SIK2: variants seen among roughly 807,000 people sequenced by gnomAD.
SIK2 encodes the protein serine/threonine-protein kinase SIK2.
A neutral mutation model predicts 103.2 loss-of-function variants in SIK2; 29 were observed. The ratio of observed to expected loss-of-function variants is 0.28; its 90% CI spans 0.21 to 0.38. The LOEUF (loss-of-function observed/expected upper bound fraction) is 0.38, where lower values mean the gene tolerates loss of function less well. SIK2 is among the 10% of genes least tolerant of loss of function. The probability of loss-of-function intolerance (pLI) is 1.00; values close to 1 mark genes in which losing one functional copy is unlikely to be tolerated. For missense variants in SIK2, 879 were observed against 1,171.0 expected, an observed-to-expected ratio of 0.75 and a Z score of 3.64; for synonymous variants, 412 against 446.1, an observed-to-expected ratio of 0.92 and a Z score of 0.96.
At chr11:111,704,783 T>A (rs562658078) in intron 7 of SIK2, among the ~76,000 whole-genome samples, 5 of 152,308 alleles carry the variant, frequency 3.3e-5, no homozygotes, top group Admixed American at 3.3e-4. Flanking sequence ...TTTAAAGGGA[T>A]CATCCTTTAT....
intron 3 of SIK2, among the ~76,000 whole-genome samples, chr11:111,674,709 A>G (rs556417367): frequency 8.5e-5 from 13 of 152,260 alleles, no homozygotes; most frequent in African/African-American, 2.9e-4. Flanking sequence ...CTTGTTTCCA[A>G]TATTGGAAAT....
At chr11:111,613,597 A>G (rs1941759385) in intron 1 of SIK2, among the ~76,000 whole-genome samples, 1 of 152,144 alleles carries the variant, frequency 6.6e-6, no homozygotes, top group South Asian at 2.1e-4. Context: ...CTTTAAATGT[A>G]TTTAGGTTTG....
intron 3 of SIK2, among the ~76,000 whole-genome samples, chr11:111,667,227 G>A (rs1942556827): frequency 1.3e-5 from 2 of 151,782 alleles, no homozygotes; most frequent in Non-Finnish European, 2.9e-5. Context: ...GGAAGACCAT[G>A]CCCGGCCGTA....
chr11:111,603,355 A>G (rs1251403238), intron 1 of SIK2, among the ~76,000 whole-genome samples: 1 of 152,170 alleles, frequency 6.6e-6, no homozygotes. Flanking sequence ...GCCCCAGACA[A>G]TAGAACTGGT....
At chr11:111,630,596 A>G (rs1408280039) in intron 3 of SIK2, among the ~76,000 whole-genome samples, 1 of 152,180 alleles carries the variant, frequency 6.6e-6, no homozygotes, top group Non-Finnish European at 1.5e-5. Flanking sequence ...CAGAATTAAG[A>G]AGGCTAAGAA....
At chr11:111,663,303 G>A (rs1002601311) in intron 3 of SIK2, among the ~76,000 whole-genome samples, 6 of 152,074 alleles carry the variant, frequency 3.9e-5, no homozygotes, top group Admixed American at 2.0e-4. Context: ...CCTTTCTGAT[G>A]AGTGGTCATT....
At chr11:111,703,056 G>A (rs556753828) in intron 6 of SIK2, 147 bp from the exon 7 acceptor site, 17 of 651,808 alleles carry the variant, frequency 2.6e-5, no homozygotes, top group African/African-American at 3.6e-5. Context: ...TAAGTAGCCT[G>A]CATGTGTTCA....
rs373010436 is a variant in SIK2 at position 111,654,863 on chromosome 11, CTA to C, written c.317-33136_317-33135del. Among the ~76,000 whole-genome samples, 68 of 152,254 alleles carry C rather than the reference CTA, an allele frequency of 4.5e-4. No homozygotes were observed. In the East Asian group the frequency reaches 0.011, roughly 25 times the overall value. On this transcript the variant is annotated intron_variant, in intron 3 of 14. Transcript: ENST00000304987. ...TACAAAAGCTTCATGGAGAATGTGACTATGTTTTAAATGAGGTGAAATTTTCC... is the reference window on the plus strand; with the variant it reads ...TACAAAAGCTTCATGGAGAATGTGACTGTTTTAAATGAGGTGAAATTTTCC...
intron 7 of SIK2, among the ~76,000 whole-genome samples, chr11:111,704,488 C>G (rs2135931306): frequency 6.6e-6 from 1 of 152,328 alleles, no homozygotes; most frequent in South Asian, 2.1e-4. Flanking sequence ...TAGTGTCTCT[C>G]AATTTAGCAT....
At chr11:111,644,959 G>A (rs997613154) in intron 3 of SIK2, among the ~76,000 whole-genome samples, 2 of 152,148 alleles carry the variant, frequency 1.3e-5, no homozygotes, top group South Asian at 2.1e-4. Flanking sequence ...AGCCTGTCGA[G>A]TGTCAAGCAT....
At chr11:111,689,182 G>C (rs112858864) in intron 4 of SIK2, among the ~76,000 whole-genome samples, 111 of 152,282 alleles carry the variant, frequency 7.3e-4, no homozygotes, top group African/African-American at 2.5e-3. Context: ...GATTGATACA[G>C]GGGGAGCAGA....
chr11:111,645,646 C>A (rs747907888), intron 3 of SIK2, among the ~76,000 whole-genome samples: 3 of 151,926 alleles, frequency 2.0e-5, no homozygotes, highest in Non-Finnish European at 4.4e-5. Context: ...CGTGGAGAAA[C>A]CAAATCTCTA....
intron 3 of SIK2, among the ~76,000 whole-genome samples, chr11:111,656,993 C>T (rs984294668): frequency 5.3e-5 from 8 of 152,286 alleles, no homozygotes; most frequent in Non-Finnish European, 1.2e-4. Flanking sequence ...TATGCAAATA[C>T]TTATTGAGCA....
At chr11:111,605,749 A>G (rs1269210176) in intron 1 of SIK2, among the ~76,000 whole-genome samples, 1 of 152,190 alleles carries the variant, frequency 6.6e-6, no homozygotes, top group Non-Finnish European at 1.5e-5. Flanking sequence ...AACTTGGGAG[A>G]TTCAAGTCTG....
At chr11:111,652,640 A>G (rs1196816815) in intron 3 of SIK2, among the ~76,000 whole-genome samples, 2 of 152,218 alleles carry the variant, frequency 1.3e-5, no homozygotes, top group Non-Finnish European at 2.9e-5. Flanking sequence ...TGCTTTTGAA[A>G]CTATTGTTAA....
chr11:111,620,893 A>T (rs1218304975), intron 3 of SIK2, among the ~76,000 whole-genome samples: 5 of 152,166 alleles, frequency 3.3e-5, no homozygotes, highest in African/African-American at 1.2e-4. Flanking sequence ...CTGGGACTTG[A>T]TTCCTTTATC....
At position 111,723,817 on chromosome 11, in the gene SIK2, G is replaced by A. The variant is rs577646320; in HGVS notation, c.2469G>A (p.Pro823=). Residue 823 remains proline (P), a synonymous_variant, in exon 15 of 15, where the codon CCG becomes CCA. Coordinates refer to ENST00000304987, the MANE Select transcript of SIK2 (RefSeq NM_015191.3). ...PLPTQLQQQQ[P]PPPPPPPPPR... is the part of the protein sequence containing the mutation. ...CCACGCAGCTACAGCAGCAGCAGCC[G>A]CCACCGCCACCACCCCCTCCACCAC... 463 of 1,613,012 alleles carry A rather than the reference G, an allele frequency of 2.9e-4. 10 individuals carry two copies. In the South Asian group the frequency reaches 4.6e-3, roughly 16 times the overall value.
At chr11:111,660,983 A>G (rs1354782231) in intron 3 of SIK2, among the ~76,000 whole-genome samples, 1 of 151,604 alleles carries the variant, frequency 6.6e-6, no homozygotes. Context: ...TAAGGCACAC[A>G]CCACCGTACC....
intron 12 of SIK2, among the ~76,000 whole-genome samples, chr11:111,721,614 T>C (rs1422995385): frequency 6.6e-6 from 1 of 152,224 alleles, no homozygotes; most frequent in Non-Finnish European, 1.5e-5. Context: ...TTTGCTCTAG[T>C]ACTGACTAGG....
Sources: allele counts gnomAD v4.1 joint callset (sites outside exome capture counted in the v4.1 genomes callset), GRCh38; gene constraint gnomAD v4.1.1; transcripts MANE v1.5; gene names NCBI Gene and HGNC (gene_info 2026-07-23, HGNC 2026-07-21).